Variants in CDS1 observed in about 807,000 individuals in gnomAD.
The protein encoded by CDS1 is CDP-diacylglycerol synthase 1.
Under a neutral mutation model 62.1 loss-of-function variants are expected in CDS1, and 41 were observed. That is an observed-to-expected ratio of 0.66 (90% confidence interval 0.51 to 0.86). CDS1 has a LOEUF of 0.86. Ranked by LOEUF, CDS1 falls within the 40% of genes least tolerant of loss-of-function variation. The probability of loss-of-function intolerance (pLI) is 0.00; values close to 1 mark genes in which losing one functional copy is unlikely to be tolerated. For missense variants in CDS1, 470 were observed against 550.1 expected, an observed-to-expected ratio of 0.85 and a Z score of 1.46; for synonymous variants, 185 against 192.6, an observed-to-expected ratio of 0.96 and a Z score of 0.32.
chr4:84,651,014 A>C lies in CDS1; in HGVS notation c.*2328A>C, dbSNP rs1724716135. ...GTTGTTCCAAATTTGCTATATTTGG[A>C]GGTGCTCTACTGGTACTTCCTGCTT... On this transcript the variant is annotated 3_prime_UTR_variant, in exon 13 of 13. Transcript: ENST00000295887. The C allele has an allele frequency of 6.6e-6, 1 of 152,086 alleles. No individual in the cohort carries two copies. Among genetic ancestry groups the C allele is most frequent in the Admixed American group, 6.5e-5 (1 of 15,270 alleles). The allele number at this position is 152,086 out of a possible 1,614,324, so 9.4% of individuals were successfully genotyped here.
intron 1 of CDS1, among the ~76,000 whole-genome samples, chr4:84,593,468 T>C (rs1226784045): frequency 1.3e-5 from 2 of 152,010 alleles, no homozygotes; most frequent in African/African-American, 4.8e-5. Flanking sequence ...TTGCCCTGAG[T>C]ATACACTCTG....
At chr4:84,599,823 G>A (rs976875759) in intron 1 of CDS1, among the ~76,000 whole-genome samples, 3 of 152,024 alleles carry the variant, frequency 2.0e-5, no homozygotes, top group South Asian at 2.1e-4. Flanking sequence ...GAGCTATTGC[G>A]AGTAAAGCTA....
intron 5 of CDS1, among the ~76,000 whole-genome samples, chr4:84,623,373 T>C (rs1000710114): frequency 6.6e-6 from 1 of 152,222 alleles, no homozygotes; most frequent in African/African-American, 2.4e-5. Flanking sequence ...CTCACACTTA[T>C]TGTTGGACTT....
At chr4:84,604,885 T>C (rs1262110026) in intron 2 of CDS1, among the ~76,000 whole-genome samples, 1 of 152,202 alleles carries the variant, frequency 6.6e-6, no homozygotes. Flanking sequence ...CCCAAAGTGC[T>C]GGGATTACAG....
At chr4:84,621,686 C>T (rs1723692169) in intron 5 of CDS1, among the ~76,000 whole-genome samples, 1 of 152,188 alleles carries the variant, frequency 6.6e-6, no homozygotes, top group Admixed American at 6.5e-5. Context: ...CTTGGCCTCC[C>T]AAAGTGCTGG....
intron 5 of CDS1, among the ~76,000 whole-genome samples, chr4:84,631,421 T>C (rs1342645885): frequency 6.6e-6 from 1 of 152,232 alleles, no homozygotes; most frequent in African/African-American, 2.4e-5. Flanking sequence ...TTAGCTGTTA[T>C]AATAGTTATT....
chr4:84,645,384 C>T (rs1010393751), intron 12 of CDS1, 59 bp downstream of exon 12: 2 of 1,052,358 alleles, frequency 1.9e-6, no homozygotes, highest in Non-Finnish European at 2.9e-6. Context: ...TTTCCATCAA[C>T]ATTAGTTTGA....
chr4:84,597,500 T>A (rs558101985), intron 1 of CDS1, among the ~76,000 whole-genome samples: 1 of 151,756 alleles, frequency 6.6e-6, no homozygotes, highest in Non-Finnish European at 1.5e-5. Flanking sequence ...ATTAGCCAGG[T>A]GTGGTGGCCC....
chr4:84,598,365 C>T (rs1393734692), intron 1 of CDS1, among the ~76,000 whole-genome samples: 3 of 150,920 alleles, frequency 2.0e-5, no homozygotes, highest in African/African-American at 4.9e-5. Flanking sequence ...GGATTCTTGA[C>T]GGAAGAGCTG....
At chr4:84,632,311 A>G (rs987940520) in intron 6 of CDS1, among the ~76,000 whole-genome samples, 2 of 152,144 alleles carry the variant, frequency 1.3e-5, no homozygotes, top group Non-Finnish European at 2.9e-5. Context: ...TAGTCATAGA[A>G]TTGTGTAATT....
At chr4:84,613,479 G>A (rs548204823) in intron 3 of CDS1, among the ~76,000 whole-genome samples, 11 of 152,136 alleles carry the variant, frequency 7.2e-5, no homozygotes, top group South Asian at 2.1e-4. Context: ...ATGTGGTGGC[G>A]CACACCTGTA....
intron 2 of CDS1, among the ~76,000 whole-genome samples, chr4:84,606,852 T>G (rs113255777): frequency 5.9e-5 from 9 of 152,276 alleles, no homozygotes; most frequent in African/African-American, 2.2e-4. Flanking sequence ...GGCTAATTTT[T>G]GTATTTTTTA....
rs888418914 is a variant in CDS1, at chr4:84,624,302, A to C, written c.580+4769A>C. On this transcript the variant is annotated intron_variant, in intron 5 of 12. Coordinates refer to ENST00000295887, the MANE Select transcript of CDS1 (RefSeq NM_001263.4). ...AAAAAAAAAACAAACAAAAAAAAAAAAACTAGTTTTTTTTTTTAAATGAAA... is the reference window on the plus strand; with the variant it reads ...AAAAAAAAAACAAACAAAAAAAAAACAACTAGTTTTTTTTTTTAAATGAAA... Among the ~76,000 whole-genome samples, 52 of 151,360 alleles carry C rather than the reference A, an allele frequency of 3.4e-4. 4 individuals are homozygous for C. The highest frequency in any genetic ancestry group is 3.4e-3 in the Middle Eastern group (1 of 294).
In CDS1 at chr4:84,649,854, A is replaced by G. The variant is rs974903348; in HGVS notation, c.*1168A>G. ...ATCAAGCAGAATTGATTCCTACACG[A>G]AAAAAAAGCACACGAATGCCAAACC... On this transcript the variant is annotated 3_prime_UTR_variant, in exon 13 of 13. Transcript: ENST00000295887. 2 of 146,452 alleles carry G rather than the reference A, an allele frequency of 1.4e-5. No homozygotes were observed. The highest frequency in any genetic ancestry group is 5.5e-5 in the African/African-American group (2 of 36,074). 9.1% of individuals were successfully genotyped at this position (146,452 alleles called of 1,614,324 possible).
At chr4:84,594,563 C>A (rs1722692113) in intron 1 of CDS1, among the ~76,000 whole-genome samples, 1 of 151,976 alleles carries the variant, frequency 6.6e-6, no homozygotes, top group Admixed American at 6.5e-5. Flanking sequence ...GTGGCATATT[C>A]TAGTTCTCTA....
At position 84,628,378 on chromosome 4, in the gene CDS1, C is replaced by G. The variant is rs543157248; in HGVS notation, c.581-3441C>G. On this transcript the variant is annotated intron_variant, in intron 5 of 12. Coordinates refer to ENST00000295887, the MANE Select transcript of CDS1 (RefSeq NM_001263.4). Reference sequence around the variant, plus strand: ...GTGCCTATCTTATTCATTTTTGCATCTTGTTTCTGGCATATCGAAGGTGCT... The same window carrying G: ...GTGCCTATCTTATTCATTTTTGCATGTTGTTTCTGGCATATCGAAGGTGCT... 1.6e-3 allele frequency among the ~76,000 whole-genome samples: 239 copies of G among 152,254 alleles called. No homozygotes were observed. In the Middle Eastern group the frequency reaches 0.017, roughly 11 times the overall value.
chr4:84,638,993 G>A lies in CDS1; in HGVS notation c.879+1G>A. ...TTCCACAGTTGTGTTTGGATTCATTGTGAGTATTACTAAGATTTTTATTTT... is the reference window on the plus strand; with the variant it reads ...TTCCACAGTTGTGTTTGGATTCATTATGAGTATTACTAAGATTTTTATTTT... On this transcript the variant is annotated splice_donor_variant, in intron 9 of 12. Transcript: ENST00000295887. LOFTEE classifies it high-confidence loss of function. The A allele has an allele frequency of 6.6e-7, 1 of 1,514,056 alleles. No homozygotes were observed. Among genetic ancestry groups the A allele is most frequent in the African/African-American group, 1.4e-5 (1 of 72,262 alleles). 93.8% of individuals were successfully genotyped at this position (1,514,056 alleles called of 1,614,324 possible). A position where few individuals can be genotyped will look rare whatever the true frequency, so the allele number is the denominator to read the frequency against.
chr4:84,606,299 TTGTGCAGTG>T (rs112162724), intron 2 of CDS1, among the ~76,000 whole-genome samples: 5,798 of 116,444 alleles, frequency 0.05, 361 homozygotes, highest in African/African-American at 0.17. Context: ...GGCTTTTTTC[TTGTGCAGTG>T]TGTGTGTGTG....
rs574631413 is a variant in CDS1 at position 84,650,140 on chromosome 4, C to T, written c.*1454C>T. 6.6e-6 allele frequency: 1 copy of T among 151,998 alleles called. No homozygotes were observed. The highest frequency in any genetic ancestry group is 6.6e-5 in the Admixed American group (1 of 15,244). 9.4% of individuals were successfully genotyped at this position (151,998 alleles called of 1,614,324 possible). A position where few individuals can be genotyped will look rare whatever the true frequency, so the allele number is the denominator to read the frequency against. ...AAAACTTTCCATTATTTTATATTTC[C>T]GTCTACTATACCTAAAACAAAAGAT... is the stretch of plus-strand genomic sequence containing the variant. On this transcript the variant is annotated 3_prime_UTR_variant, in exon 13 of 13. Transcript: ENST00000295887.
Sources: allele counts gnomAD v4.1 joint callset (sites outside exome capture counted in the v4.1 genomes callset), GRCh38; gene constraint gnomAD v4.1.1; transcripts MANE v1.5; gene names NCBI Gene and HGNC (gene_info 2026-07-23, HGNC 2026-07-21).